The following ARRDC1 variants were observed in gnomAD, a reference collection of about 807,000 sequenced individuals.
The protein encoded by ARRDC1 is arrestin domain-containing protein 1.
In ARRDC1, 37 loss-of-function variants were observed where a neutral mutation model predicts 40.1. That is an observed-to-expected ratio of 0.92 (90% confidence interval 0.71 to 1.21). ARRDC1 has a LOEUF of 1.21. Among genes scored for constraint, ARRDC1 ranks in the 50% most tolerant of loss-of-function variants. The pLI is 0.00. For missense variants in ARRDC1, 641 were observed against 581.9 expected, an observed-to-expected ratio of 1.10 and a Z score of -1.04; for synonymous variants, 310 against 262.5, an observed-to-expected ratio of 1.18 and a Z score of -1.75.
Position 137,605,701 on chromosome 9 carries a change from G to T in ARRDC1, c.-17G>T. On this transcript the variant is annotated 5_prime_UTR_variant, in exon 1 of 8. Coordinates refer to ENST00000371421, the MANE Select transcript of ARRDC1 (RefSeq NM_152285.4). ...GGGCGGGGGCGTCGCTGCGCGGCTG[G>T]CCGGTGAGGCCGCGGCATGGGGCGA... 7.4e-7 allele frequency: 1 copy of T among 1,344,910 alleles called. No homozygotes were observed. The highest frequency in any genetic ancestry group is 9.6e-7 in the Non-Finnish European group (1 of 1,046,552). 83.3% of individuals were successfully genotyped at this position (1,344,910 alleles called of 1,614,324 possible). A position where few individuals can be genotyped will look rare whatever the true frequency, so the allele number is the denominator to read the frequency against.
In ARRDC1 at chr9:137,613,682, C is replaced by T. The variant is rs925649329; in HGVS notation, c.348C>T (p.His116=). 3 of 1,614,110 alleles carry T rather than the reference C, an allele frequency of 1.9e-6. No individual in the cohort carries two copies. Among genetic ancestry groups the T allele is most frequent in the Non-Finnish European group, 2.5e-6 (3 of 1,180,052 alleles). ...KIVHQVRAAI[H]TPRFSKDHKC... ...TGCACCAGGTGAGGGCCGCCATCCA[C>T]ACGCCACGGTTTTCCAAGGATCACA... The change falls in exon 4 of 8, where the codon CAC becomes CAT. Residue 116 remains histidine (H), a synonymous_variant. Coordinates refer to ENST00000371421, the MANE Select transcript of ARRDC1 (RefSeq NM_152285.4).
rs1173398574 is a variant in ARRDC1, at chr9:137,613,610, C to T, written c.281-5C>T. 1 of 1,614,248 alleles carries T rather than the reference C, an allele frequency of 6.2e-7. No individual in the cohort carries two copies. Among genetic ancestry groups the T allele is most frequent in the Non-Finnish European group, 8.5e-7 (1 of 1,180,036 alleles). ...GCCAGGTACCAGTGCCTGCTCTCTC[C>T]CCAGCCACTGCACCCACGTCCTTTG... On this transcript the variant is annotated splice_polypyrimidine_tract_variant and splice_region_variant and intron_variant, in intron 3 of 7. Transcript: ENST00000371421.
Position 137,614,386 on chromosome 9 carries a change from G to A in ARRDC1, c.706G>A (p.Ala236Thr), listed in dbSNP as rs1189422762. The A allele has an allele frequency of 1.9e-6, 3 of 1,613,116 alleles. No individual in the cohort carries two copies. Among genetic ancestry groups the A allele is most frequent in the Admixed American group, 1.7e-5 (1 of 59,992 alleles). Residue 236 changes from alanine to threonine, a missense_variant, in exon 6 of 8, where the codon GCG (alanine) becomes ACG (threonine). Coordinates refer to ENST00000371421, the MANE Select transcript of ARRDC1 (RefSeq NM_152285.4). ...EGAGVKAWRRAQWHEQILVPA... is the reference protein window; with the variant it reads ...EGAGVKAWRRTQWHEQILVPA... Reference sequence around the variant, plus strand: ...TGCGGGCGTCAAGGCCTGGCGGCGGGCGCAGTGGCACGAGCAGATCCTGGT... The same window carrying A: ...TGCGGGCGTCAAGGCCTGGCGGCGGACGCAGTGGCACGAGCAGATCCTGGT...
chr9:137,608,720 T>A (rs756127201), intron 1 of ARRDC1, among the ~76,000 whole-genome samples: 1 of 152,238 alleles, frequency 6.6e-6, no homozygotes, highest in African/African-American at 2.4e-5. Flanking sequence ...CCTGAAGCAG[T>A]TGCTGAGAGG....
At chr9:137,606,198 G>A (rs1054391144) in intron 1 of ARRDC1, among the ~76,000 whole-genome samples, 1 of 151,848 alleles carries the variant, frequency 6.6e-6, no homozygotes. Context: ...CCGCTGCAGA[G>A]CCGCTCCTGG....
chr9:137,613,648 G>A lies in ARRDC1; in HGVS notation c.314G>A (p.Gly105Glu), dbSNP rs757260031. The A allele has an allele frequency of 8.1e-6, 13 of 1,614,122 alleles. No individual in the cohort carries two copies. The highest frequency in any genetic ancestry group is 1.1e-5 in the Non-Finnish European group (13 of 1,180,042). Residue 105 changes from glycine (G) to glutamate (E), a missense_variant, in exon 4 of 8, where the codon GGG becomes GAG. Gly to Glu is a moderately conservative substitution (Grantham distance 98, BLOSUM62 -2). Coordinates refer to ENST00000371421, the MANE Select transcript of ARRDC1 (RefSeq NM_152285.4). Reference protein sequence around the residue: ...TAPTSFEGPFGKIVHQVRAAI... With the variant: ...TAPTSFEGPFEKIVHQVRAAI... ...CCCACGTCCTTTGAGGGTCCTTTCGGGAAGATCGTGCACCAGGTGAGGGCC... is the reference window on the plus strand; with the variant it reads ...CCCACGTCCTTTGAGGGTCCTTTCGAGAAGATCGTGCACCAGGTGAGGGCC...
chr9:137,606,729 C>A (rs1842429902), intron 1 of ARRDC1, among the ~76,000 whole-genome samples: 2 of 152,206 alleles, frequency 1.3e-5, no homozygotes, highest in African/African-American at 4.8e-5. Context: ...CCTGGGATGA[C>A]CCCACAGCCT....
chr9:137,605,778 G>C lies in ARRDC1; in HGVS notation c.61G>C (p.Gly21Arg). 1 of 1,347,252 alleles carries C rather than the reference G, an allele frequency of 7.4e-7. No homozygotes were observed. 83.5% of individuals were successfully genotyped at this position (1,347,252 alleles called of 1,614,324 possible). ...CCACGGCCGCGTCGTCTACAGCCCC[G>C]GGGAGCCGTTGGCTGGGACCGTGCG... The part of the protein sequence containing the change: ...LSHGRVVYSP[G>R]EPLAGTVRVR... Residue 21 changes from glycine (G) to arginine (R), a missense_variant, in exon 1 of 8, where the codon GGG (glycine) becomes CGG (arginine). By Grantham distance (125) the Gly-to-Arg change is moderately radical. Transcript: ENST00000371421.
chr9:137,611,240 C>T (rs941837087), intron 1 of ARRDC1, among the ~76,000 whole-genome samples: 7 of 152,206 alleles, frequency 4.6e-5, no homozygotes, highest in African/African-American at 1.7e-4. Context: ...GCCTGGCTAA[C>T]AGAGCATGGA....
chr9:137,610,317 G>T (rs1842492184), intron 1 of ARRDC1, among the ~76,000 whole-genome samples: 1 of 152,236 alleles, frequency 6.6e-6, no homozygotes, highest in Non-Finnish European at 1.5e-5. Context: ...GGGATCACTT[G>T]AGGGTGCTTG....
intron 5 of ARRDC1, 21 bp from the exon 6 acceptor site, chr9:137,614,278 C>T: frequency 6.3e-7 from 1 of 1,581,900 alleles, no homozygotes; most frequent in Non-Finnish European, 8.6e-7. Context: ...TGCGCAGGCT[C>T]ACAGGCTGGT....
rs923558304 is a variant in ARRDC1 at position 137,614,572 on chromosome 9, C to T, written c.809C>T (p.Ala270Val). Residue 270 changes from alanine (A) to valine (V), a missense_variant, in exon 7 of 8, where the codon GCG becomes GTG. Transcript: ENST00000371421. ...IDYYLQVSLK[A>V]PEATVTLPVF... ...AATCCTGTCCAGGTCTCTCTGAAGG[C>T]GCCGGAAGCTACTGTGACCCTCCCG... 17 of 1,612,952 alleles carry T rather than the reference C, an allele frequency of 1.1e-5. No homozygotes were observed. The highest frequency in any genetic ancestry group is 5.0e-5 in the Admixed American group (3 of 59,990).
Position 137,613,701 on chromosome 9 carries a change from G to C in ARRDC1, c.367G>C (p.Asp123His). The C allele has an allele frequency of 1.2e-6, 2 of 1,614,200 alleles. No individual in the cohort carries two copies. The highest frequency in any genetic ancestry group is 8.5e-7 in the Non-Finnish European group (1 of 1,180,040). Residue 123 changes from aspartate (D) to histidine (H), a missense_variant, in exon 4 of 8, where the codon GAT becomes CAT. Coordinates refer to ENST00000371421, the MANE Select transcript of ARRDC1 (RefSeq NM_152285.4). ...CATCCACACGCCACGGTTTTCCAAG[G>C]ATCACAAGTGCAGCCTCGTGTTCTA... ...AAIHTPRFSK[D>H]HKCSLVFYIL...
At chr9:137,606,717 C>T (rs1418656760) in intron 1 of ARRDC1, among the ~76,000 whole-genome samples, 1 of 152,216 alleles carries the variant, frequency 6.6e-6, no homozygotes, top group African/African-American at 2.4e-5. Context: ...CCCACTGGGC[C>T]TCCTGGGATG....
In ARRDC1 at chr9:137,614,160, C is replaced by T. The variant is rs148857250; in HGVS notation, c.564C>T (p.Asp188=). The T allele has an allele frequency of 3.4e-5, 55 of 1,612,062 alleles. No individual in the cohort carries two copies. In the East Asian group the frequency reaches 3.8e-4, roughly 11 times the overall value. ...VVGQALQLHA[D]VENQSGKDTS... is the part of the protein sequence containing the mutation. ...GGCAGGCACTGCAGCTGCATGCCGA[C>T]GTTGAGAACCAGTCAGGCAAGGACA... Residue 188 remains aspartate (D), a synonymous_variant, in exon 5 of 8, where the codon GAC becomes GAT. Transcript: ENST00000371421.
intron 1 of ARRDC1, among the ~76,000 whole-genome samples, chr9:137,611,223 G>A (rs571312827): frequency 1.2e-4 from 19 of 152,204 alleles, no homozygotes; most frequent in Admixed American, 3.9e-4. Flanking sequence ...GGTCTGGCCC[G>A]AGGAGGGCCT....
chr9:137,609,724 C>G (rs565105961), intron 1 of ARRDC1, among the ~76,000 whole-genome samples: 12 of 152,158 alleles, frequency 7.9e-5, no homozygotes, highest in Admixed American at 7.9e-4. Context: ...TGGGGTTTCA[C>G]CGTGTTACCT....
intron 1 of ARRDC1, among the ~76,000 whole-genome samples, chr9:137,610,666 C>A (rs184896558): frequency 6.6e-6 from 1 of 151,112 alleles, no homozygotes; most frequent in Non-Finnish European, 1.5e-5. Context: ...CAGGTTCAAG[C>A]GATTCTCCTG....
rs764585267 is a variant in ARRDC1 at position 137,615,007 on chromosome 9, C to G, written c.1237+7C>G. ...TCTTGGGGCTACCCCTATGGTGAGTCGACAGCCAGGGCTTGGCAGGGAGGG... is the reference window on the plus strand; with the variant it reads ...TCTTGGGGCTACCCCTATGGTGAGTGGACAGCCAGGGCTTGGCAGGGAGGG... On this transcript the variant is annotated splice_region_variant and intron_variant, in intron 7 of 7. Coordinates refer to ENST00000371421, the MANE Select transcript of ARRDC1 (RefSeq NM_152285.4). 4.3e-6 allele frequency: 7 copies of G among 1,612,866 alleles called. No individual in the cohort carries two copies. The highest frequency in any genetic ancestry group is 5.9e-6 in the Non-Finnish European group (7 of 1,179,418).
Sources: allele counts gnomAD v4.1 joint callset (sites outside exome capture counted in the v4.1 genomes callset), GRCh38; gene constraint gnomAD v4.1.1; transcripts MANE v1.5; gene names NCBI Gene and HGNC (gene_info 2026-07-23, HGNC 2026-07-21).